The following AK9 variants were observed in gnomAD, a reference collection of about 807,000 sequenced individuals.
AK9 encodes adenylate kinase domain containing 1.
AK9 carries 191 observed loss-of-function variants against 239.6 expected under a neutral mutation model. That is an observed-to-expected ratio of 0.80 (90% confidence interval 0.71 to 0.90). AK9 has a LOEUF of 0.90. Among genes scored for constraint, AK9 ranks in the 40% least tolerant of loss-of-function variants. The pLI is 0.00. For synonymous variants in AK9, 689 were observed against 721.0 expected (o/e 0.96, Z 0.71); for missense variants, 1,995 against 2,214.7 (o/e 0.90, Z 1.99).
At chr6:109,601,863 T>C (rs930074594) in intron 17 of AK9, among the ~76,000 whole-genome samples, 2 of 152,218 alleles carry the variant, frequency 1.3e-5, no homozygotes, top group Non-Finnish European at 2.9e-5. Context: ...CTTTGTTGGT[T>C]TCAAATCTAT....
Position 109,610,442 on chromosome 6 carries a change from T to C in AK9, c.1765A>G (p.Ile589Val), listed in dbSNP as rs916375611. 4 of 1,551,412 alleles carry C rather than the reference T, an allele frequency of 2.6e-6. 1 individual carries two copies. The South Asian group carries it at 3.6e-5, about 14-fold the overall frequency. ...PEVVTMIEET[I>V]KMSQDINFEQ... Reference sequence around the variant, plus strand: ...AAGTTTATATCCTGTGACATTTTTATAGTCTCTTCAATCATGGTCACAACC... The same window carrying C: ...AAGTTTATATCCTGTGACATTTTTACAGTCTCTTCAATCATGGTCACAACC... The change falls in exon 17 of 41, where the codon ATA becomes GTA. Residue 589 changes from isoleucine to valine, a missense_variant. Ile to Val is a conservative substitution (Grantham distance 29, BLOSUM62 3). Coordinates refer to ENST00000424296, the MANE Select transcript of AK9 (RefSeq NM_001145128.3).
At chr6:109,589,676 T>C (rs1439129058) in intron 17 of AK9, among the ~76,000 whole-genome samples, 1 of 152,198 alleles carries the variant, frequency 6.6e-6, no homozygotes, top group Non-Finnish European at 1.5e-5. Flanking sequence ...CTTTTCCTCA[T>C]TCAGTAAAAT....
intron 10 of AK9, 100 bp downstream of exon 10, chr6:109,641,418 G>T: frequency 2.4e-6 from 2 of 837,948 alleles, no homozygotes; most frequent in Non-Finnish European, 3.8e-6. Flanking sequence ...AGACTCCTGG[G>T]CTCCAGTGAT....
At position 109,547,174 on chromosome 6, in the gene AK9, T is replaced by C. The variant is rs187228232; in HGVS notation, c.2965-1047A>G. On this transcript the variant is annotated intron_variant, in intron 25 of 40. Coordinates refer to ENST00000424296, the MANE Select transcript of AK9 (RefSeq NM_001145128.3). ...TGTGAGGGCACAACCATCCACATAC[T>C]TCAGTAGTCTCATGGGCACTATATA... Among the ~76,000 whole-genome samples, 1,017 of 152,304 alleles carry C rather than the reference T, an allele frequency of 6.7e-3. 8 individuals carry two copies. Among genetic ancestry groups the C allele is most frequent in the Middle Eastern group, 0.014 (4 of 294 alleles).
At chr6:109,679,122 G>A (rs1219479367) in intron 1 of AK9, among the ~76,000 whole-genome samples, 1 of 152,120 alleles carries the variant, frequency 6.6e-6, no homozygotes, top group Non-Finnish European at 1.5e-5. Flanking sequence ...TCACTCCCCT[G>A]GAAAGGGGGC....
chr6:109,539,086 G>T (rs1782472355), intron 27 of AK9, among the ~76,000 whole-genome samples: 1 of 152,074 alleles, frequency 6.6e-6, no homozygotes, highest in African/African-American at 2.4e-5. Flanking sequence ...ATGTGTCTTG[G>T]AGTTGCTCTT....
At chr6:109,495,554 A>C in intron 38 of AK9, 114 bp from the exon 39 acceptor site, 1 of 658,676 alleles carries the variant, frequency 1.5e-6, no homozygotes, top group East Asian at 3.1e-5. Flanking sequence ...TGCACTGGAG[A>C]AAATGATACA....
intron 5 of AK9, among the ~76,000 whole-genome samples, chr6:109,669,354 T>C (rs1031221704): frequency 6.6e-5 from 10 of 152,168 alleles, no homozygotes; most frequent in Non-Finnish European, 1.0e-4. Context: ...TTTGACTTCC[T>C]CTTTTCCGAA....
At chr6:109,532,757 T>C (rs959733762) in intron 28 of AK9, among the ~76,000 whole-genome samples, 2 of 152,208 alleles carry the variant, frequency 1.3e-5, no homozygotes, top group South Asian at 4.1e-4. Context: ...TTCTGTTAGA[T>C]ACATTCCCAG....
chr6:109,533,948 G>T (rs1273848282), intron 27 of AK9, among the ~76,000 whole-genome samples: 1 of 152,064 alleles, frequency 6.6e-6, no homozygotes, highest in Non-Finnish European at 1.5e-5. Flanking sequence ...TTTATTTAAA[G>T]AGTACACCTG....
intron 33 of AK9, among the ~76,000 whole-genome samples, chr6:109,507,211 A>G (rs1003380982): frequency 2.0e-5 from 3 of 152,206 alleles, no homozygotes; most frequent in Non-Finnish European, 2.9e-5. Context: ...TGAACTTTCT[A>G]AGAGGAAATG....
chr6:109,644,379 T>C, intron 9 of AK9: 1 of 381,306 alleles, frequency 2.6e-6, no homozygotes. Flanking sequence ...TACCATTGCT[T>C]TTACTTTTCT....
At chr6:109,538,954 G>A in intron 27 of AK9, among the ~76,000 whole-genome samples, 1 of 152,172 alleles carries the variant, frequency 6.6e-6, no homozygotes, top group Non-Finnish European at 1.5e-5. Context: ...CTGGCTTGTA[G>A]AGTTTCTGCC....
At chr6:109,514,195 G>C (rs1003524460) in intron 32 of AK9, 29 bp downstream of exon 32, 5 of 1,533,834 alleles carry the variant, frequency 3.3e-6, no homozygotes, top group Non-Finnish European at 4.4e-6. Flanking sequence ...TTTTATGCTT[G>C]AGGAAAACAA....
Position 109,592,630 on chromosome 6 carries a change from T to C in AK9, c.1843-6558A>G, listed in dbSNP as rs528743259. 4.6e-5 allele frequency among the ~76,000 whole-genome samples: 7 copies of C among 152,108 alleles called. No homozygotes were observed. In the South Asian group the frequency reaches 1.5e-3, roughly 32 times the overall value. Reference sequence around the variant, plus strand: ...CCCGGCTAATTTTTTGTATTTTTAGTAGAGACGGGGTTTCACCATGTTAGC... The same window carrying C: ...CCCGGCTAATTTTTTGTATTTTTAGCAGAGACGGGGTTTCACCATGTTAGC... On this transcript the variant is annotated intron_variant, in intron 17 of 40. Coordinates refer to ENST00000424296, the MANE Select transcript of AK9 (RefSeq NM_001145128.3).
chr6:109,571,941 G>A (rs1291566872), intron 21 of AK9, among the ~76,000 whole-genome samples: 2 of 152,158 alleles, frequency 1.3e-5, no homozygotes, highest in Non-Finnish European at 2.9e-5. Flanking sequence ...TCACTGGGGT[G>A]TTCATTAAAA....
intron 17 of AK9, 87 bp from the exon 18 acceptor site, chr6:109,586,159 C>A (rs1314870117): frequency 3.4e-6 from 4 of 1,165,514 alleles, no homozygotes; most frequent in South Asian, 2.0e-5. Context: ...GGATCTTAAA[C>A]AAGTATCTTT....
chr6:109,544,626 C>T (rs1015619113), intron 26 of AK9, among the ~76,000 whole-genome samples: 1 of 152,160 alleles, frequency 6.6e-6, no homozygotes, highest in East Asian at 1.9e-4. Context: ...TTTCTAAGGC[C>T]TCTCCAGAAG....
At chr6:109,629,291 C>T (rs116722183) in intron 12 of AK9, among the ~76,000 whole-genome samples, 1,724 of 152,080 alleles carry the variant, frequency 0.011, 30 homozygotes, top group African/African-American at 0.038. Flanking sequence ...TATACCTTGA[C>T]TCAAATTCTA....
Sources: gnomAD v4.1 joint callset for allele counts (sites outside exome capture counted in the v4.1 genomes callset) on GRCh38, gnomAD v4.1.1 for gene constraint, MANE v1.5 for transcripts, NCBI Gene and HGNC (gene_info 2026-07-23, HGNC 2026-07-21) for gene names.